The following MED25 variants were observed in gnomAD, a reference collection of about 807,000 sequenced individuals.
The protein encoded by MED25 is mediator complex subunit 25.
In MED25, 62 loss-of-function variants were observed where a neutral mutation model predicts 89.4. The observed-to-expected ratio is 0.69, with a 90% CI of 0.57 to 0.86. MED25 has a LOEUF of 0.86. Among genes scored for constraint, MED25 ranks in the 40% least tolerant of loss-of-function variants. The probability of loss-of-function intolerance (pLI) is 0.00; values close to 1 mark genes in which losing one functional copy is unlikely to be tolerated. For synonymous variants in MED25, 449 were observed against 427.9 expected (o/e 1.05, Z -0.61); for missense variants, 905 against 1,005.2 (o/e 0.90, Z 1.35).
rs1321540344 is a variant in MED25 at position 49,831,860 on chromosome 19, C to A, written c.1231-76C>A. 2.2e-6 allele frequency: 3 copies of A among 1,349,274 alleles called. No individual in the cohort carries two copies. Among genetic ancestry groups the A allele is most frequent in the South Asian group, 1.2e-5 (1 of 85,216 alleles). 83.6% of individuals were successfully genotyped at this position (1,349,274 alleles called of 1,614,324 possible). On this transcript the variant is annotated intron_variant, in intron 10 of 17. Transcript: ENST00000312865. The surrounding 1 kb of genome is among the most constrained non-coding windows in gnomAD (Gnocchi z 5.0). ...GGAACATCCTGAGCTTTGGGGCTAC[C>A]AGGGTAGGACATGAGGGCTCAAGGG...
rs1025134173 is a variant in MED25, at chr19:49,831,090, G to A, written c.1101+203G>A. The stretch of plus-strand genomic sequence containing the variant: ...GAGGCTCATGGCTCCAGGAGGGTCA[G>A]GGCTGTTCCGAGAAACCCAAGGAAT... On this transcript the variant is annotated intron_variant, in intron 9 of 17. Coordinates refer to ENST00000312865, the MANE Select transcript of MED25 (RefSeq NM_030973.4). The surrounding 1 kb of genome is among the most constrained non-coding windows in gnomAD (Gnocchi z 5.0). 2.6e-5 allele frequency among the ~76,000 whole-genome samples: 4 copies of A among 152,138 alleles called. No individual in the cohort carries two copies. The highest frequency in any genetic ancestry group is 9.7e-5 in the African/African-American group (4 of 41,422).
At chr19:49,819,882 GTGGCACAGT>G (rs1429069669) in intron 3 of MED25, 1 of 169,118 alleles carries the variant, frequency 5.9e-6, no homozygotes, top group Non-Finnish European at 1.3e-5. Flanking sequence ...TTGTAGTGCA[GTGGCACAGT>G]CGTGGCTCAC....
chr19:49,831,239 A>T lies in MED25; in HGVS notation c.1102-94A>T, dbSNP rs949811356. 1 of 1,361,722 alleles carries T rather than the reference A, an allele frequency of 7.3e-7. No homozygotes were observed. Among genetic ancestry groups the T allele is most frequent in the Non-Finnish European group, 1.0e-6 (1 of 993,132 alleles). The allele number at this position is 1,361,722 out of a possible 1,614,324, so 84.4% of individuals were successfully genotyped here. On this transcript the variant is annotated intron_variant, in intron 9 of 17. Transcript: ENST00000312865. This position sits in a 1 kb window ranked among gnomAD's most constrained non-coding sequence, Gnocchi z 5.0. Reference sequence around the variant, plus strand: ...TGGGGATGGAGGGGCAGAAGAAGGGATCTTTCCTCCTTCCTGGTTTGCCCT... The same window carrying T: ...TGGGGATGGAGGGGCAGAAGAAGGGTTCTTTCCTCCTTCCTGGTTTGCCCT...
intron 3 of MED25, chr19:49,819,913 C>T (rs546982868): frequency 8.5e-4 from 134 of 157,226 alleles, no homozygotes; most frequent in African/African-American, 2.8e-3. Flanking sequence ...GCAACCTGTA[C>T]CTCCTGGGTT....
At position 49,834,856 on chromosome 19, in the gene MED25, C is replaced by CT; in HGVS notation, c.1483-128dup. The CT allele has an allele frequency of 1.0e-6, 1 of 964,746 alleles. No homozygotes were observed. 59.8% of individuals were successfully genotyped at this position (964,746 alleles called of 1,614,324 possible). On this transcript the variant is annotated intron_variant, in intron 13 of 17. Transcript: ENST00000312865. The surrounding 1 kb of genome is among the most constrained non-coding windows in gnomAD (Gnocchi z 4.1). ...AGCAACCCATAGCACACCTGTTCTC[C>CT]TTAACCTTCTATAGCAGAAACCTCA... is the stretch of plus-strand genomic sequence containing the variant.
At chr19:49,825,249 T>A (rs2074008567) in intron 3 of MED25, among the ~76,000 whole-genome samples, 1 of 151,934 alleles carries the variant, frequency 6.6e-6, no homozygotes, top group Non-Finnish European at 1.5e-5. Context: ...AAGGGTTTTG[T>A]TTTGTTTTGT....
At chr19:49,838,218 T>C (rs1159158013), downstream of MED25, among the ~76,000 whole-genome samples, 1 of 151,886 alleles carries the variant, frequency 6.6e-6, no homozygotes, top group African/African-American at 2.4e-5. Flanking sequence ...TGCGGATGAG[T>C]TTTGTTTGGC....
At position 49,830,085 on chromosome 19, in the gene MED25, C is replaced by T. The variant is rs199623358; in HGVS notation, c.689-3C>T. The T allele has an allele frequency of 5.0e-4, 798 of 1,606,174 alleles. No homozygotes were observed. The highest frequency in any genetic ancestry group is 4.7e-4 in the Non-Finnish European group (557 of 1,176,922). On this transcript the variant is annotated splice_polypyrimidine_tract_variant and splice_region_variant and intron_variant, in intron 6 of 17. Transcript: ENST00000312865. This position sits in a 1 kb window ranked among gnomAD's most constrained non-coding sequence, Gnocchi z 4.6. ...TGGGGTTGGCCATCCCTCCTGCTCTCAGTTGGGGGTGGCTCAGCCCCAGGC... is the reference window on the plus strand; with the variant it reads ...TGGGGTTGGCCATCCCTCCTGCTCTTAGTTGGGGGTGGCTCAGCCCCAGGC...
In MED25 at chr19:49,830,178, C is replaced by T. The variant is rs201888191; in HGVS notation, c.779C>T (p.Ala260Val). The change falls in exon 7 of 18, where the codon GCC (alanine) becomes GTC (valine). Residue 260 changes from alanine to valine, a missense_variant. Coordinates refer to ENST00000312865, the MANE Select transcript of MED25 (RefSeq NM_030973.4). This position sits in a 1 kb window ranked among gnomAD's most constrained non-coding sequence, Gnocchi z 4.6. ...AAPSGATLSAAPQQPLPPVPP... is the reference protein window; with the variant it reads ...AAPSGATLSAVPQQPLPPVPP... ...CCCTCAGGTGCCACTCTCTCAGCAG[C>T]CCCCCAGCAGCCTCTGCCCCCCGTC... 3.1e-6 allele frequency: 5 copies of T among 1,596,720 alleles called. No individual in the cohort carries two copies. In the East Asian group the frequency reaches 8.9e-5, roughly 29 times the overall value.
intron 3 of MED25, among the ~76,000 whole-genome samples, chr19:49,820,494 G>T (rs776237652): frequency 3.3e-5 from 5 of 152,152 alleles, no homozygotes; most frequent in East Asian, 1.9e-4. Flanking sequence ...CATGACCTTC[G>T]CTGTACTTCT....
In MED25 at chr19:49,830,581, C is replaced by T. The variant is rs758817615; in HGVS notation, c.890C>T (p.Ala297Val). 1.2e-6 allele frequency: 2 copies of T among 1,614,060 alleles called. No homozygotes were observed. Among genetic ancestry groups the T allele is most frequent in the East Asian group, 2.2e-5 (1 of 44,888 alleles). The change falls in exon 8 of 18, where the codon GCT becomes GTT. Residue 297 changes from alanine (A) to valine (V), a missense_variant. Around this residue, in one of 3 missense-constraint regions of MED25, gnomAD observed 501 missense variants for 526.9 expected, o/e 0.95. Coordinates refer to ENST00000312865, the MANE Select transcript of MED25 (RefSeq NM_030973.4). This position sits in a 1 kb window ranked among gnomAD's most constrained non-coding sequence, Gnocchi z 4.6. ...NAVEAAKNQKAGLGPRFSPIT... is the reference protein window; with the variant it reads ...NAVEAAKNQKVGLGPRFSPIT... ...GTGGAGGCTGCCAAGAACCAGAAGG[C>T]TGGGCTGGGCCCTCGCTGTGAGTCC...
At chr19:49,828,847 G>T in intron 4 of MED25, 123 bp from the exon 5 acceptor site, 1 of 1,532,076 alleles carries the variant, frequency 6.5e-7, no homozygotes, top group Non-Finnish European at 8.8e-7. Flanking sequence ...CAGCTGTAAA[G>T]TAGGGGCGTT....
rs1190651648 is a variant in MED25 at position 49,831,276 on chromosome 19, C to G, written c.1102-57C>G. On this transcript the variant is annotated intron_variant, in intron 9 of 17. Transcript: ENST00000312865. The surrounding 1 kb of genome is among the most constrained non-coding windows in gnomAD (Gnocchi z 5.0). Reference sequence around the variant, plus strand: ...TCCTGGTTTGCCCTCACAGGATGGCCCCCGGAGGCTCCCGGCCTTCCCCAT... The same window carrying G: ...TCCTGGTTTGCCCTCACAGGATGGCGCCCGGAGGCTCCCGGCCTTCCCCAT... The G allele has an allele frequency of 6.3e-7, 1 of 1,576,762 alleles. No individual in the cohort carries two copies. Among genetic ancestry groups the G allele is most frequent in the East Asian group, 2.3e-5 (1 of 43,976 alleles).
chr19:49,832,371 C>G lies in MED25; in HGVS notation c.1438C>G (p.Leu480Val), dbSNP rs148214958. ...MVQFHFTNKD[L>V]ESLKGLYRIM... The stretch of plus-strand genomic sequence containing the variant: ...CCAGTTCCATTTCACCAACAAGGAC[C>G]TGGAGTCTCTCAAAGGCCTCTACCG... Residue 480 changes from leucine to valine, a missense_variant, in exon 13 of 18, where the codon CTG (leucine) becomes GTG (valine). Coordinates refer to ENST00000312865, the MANE Select transcript of MED25 (RefSeq NM_030973.4). 343 of 1,611,504 alleles carry G rather than the reference C, an allele frequency of 2.1e-4. No individual in the cohort carries two copies. The highest frequency in any genetic ancestry group is 2.7e-4 in the Non-Finnish European group (318 of 1,178,758).
rs2074039755 is a variant in MED25, at chr19:49,829,748, AG to A, written c.526-33del. 1.3e-6 allele frequency: 2 copies of A among 1,558,012 alleles called. No individual in the cohort carries two copies. Among genetic ancestry groups the A allele is most frequent in the East Asian group, 2.4e-5 (1 of 41,458 alleles). ...GGGGCCGGCCCCAACACCCTTATGG[AG>A]GGGGCCCGTCATGACTGCTCGGCCC... On this transcript the variant is annotated intron_variant, in intron 5 of 17. Coordinates refer to ENST00000312865, the MANE Select transcript of MED25 (RefSeq NM_030973.4). The surrounding 1 kb of genome is among the most constrained non-coding windows in gnomAD (Gnocchi z 4.6).
rs1292792321 is a variant in MED25 at position 49,831,354 on chromosome 19, G to A, written c.1123G>A (p.Gly375Arg). 1.2e-6 allele frequency: 2 copies of A among 1,611,200 alleles called. No individual in the cohort carries two copies. The highest frequency in any genetic ancestry group is 1.7e-6 in the Non-Finnish European group (2 of 1,179,002). ...PSMAGTVAPGGVSGPSPAQLG... is the reference protein window; with the variant it reads ...PSMAGTVAPGRVSGPSPAQLG... ...GCAGGCAGGCACTGTGGCCCCAGGA[G>A]GGGTGAGCGGCCCTTCCCCAGCCCA... The change falls in exon 10 of 18, where the codon GGG becomes AGG. Residue 375 changes from glycine (G) to arginine (R), a missense_variant. By Grantham distance (125) the Gly-to-Arg change is moderately radical. This residue lies in a region of MED25 where 501 missense variants were observed against 526.9 expected (regional missense o/e 0.95). Coordinates refer to ENST00000312865, the MANE Select transcript of MED25 (RefSeq NM_030973.4). This position sits in a 1 kb window ranked among gnomAD's most constrained non-coding sequence, Gnocchi z 5.0.
At chr19:49,837,058 C>G, downstream of MED25, 1 of 870,238 alleles carries the variant, frequency 1.1e-6, no homozygotes. Context: ...CTTGTTCTCA[C>G]TTCAGCAGAC....
downstream of MED25, among the ~76,000 whole-genome samples, chr19:49,837,140 T>G (rs2074105218): frequency 6.6e-6 from 1 of 152,096 alleles, no homozygotes; most frequent in South Asian, 2.1e-4. Context: ...GCAACCTGAT[T>G]CGTGGGAGAT....
Position 49,829,006 on chromosome 19 carries a change from C to T in MED25, c.441C>T (p.Asn147=), listed in dbSNP as rs2074034349. 1 of 1,614,168 alleles carries T rather than the reference C, an allele frequency of 6.2e-7. No homozygotes were observed. Residue 147 remains asparagine, a synonymous_variant, in exon 5 of 18, where the codon AAC becomes AAT. Coordinates refer to ENST00000312865, the MANE Select transcript of MED25 (RefSeq NM_030973.4). This position sits in a 1 kb window ranked among gnomAD's most constrained non-coding sequence, Gnocchi z 4.6. ...QTHRVCLLIC[N]SPPYLLPAVE... The stretch of plus-strand genomic sequence containing the variant: ...ACCGGGTCTGCCTCCTCATCTGCAA[C>T]TCACCCCCATACTTGTTGCCTGCTG...
Sources: allele counts gnomAD v4.1 joint callset (sites outside exome capture counted in the v4.1 genomes callset), GRCh38; gene constraint gnomAD v4.1.1; regional missense constraint gnomAD v4.1.1; non-coding constraint Gnocchi (gnomAD v3.1); transcripts MANE v1.5; gene names NCBI Gene and HGNC (gene_info 2026-07-23, HGNC 2026-07-21).